DTNB: variants seen among roughly 807,000 people sequenced by gnomAD.
The protein encoded by DTNB is dystrobrevin beta.
Under a neutral mutation model 90.7 loss-of-function variants are expected in DTNB, and 63 were observed. That is an observed-to-expected ratio of 0.69 (90% CI 0.57 to 0.86). The LOEUF (loss-of-function observed/expected upper bound fraction) is 0.86, where lower values mean the gene tolerates loss of function less well. DTNB is among the 40% of genes least tolerant of loss of function. DTNB has a pLI of 0.00. For synonymous variants in DTNB, 277 were observed against 286.7 expected, an observed-to-expected ratio of 0.97 and a Z score of 0.34; for missense variants, 744 against 807.1, an observed-to-expected ratio of 0.92 and a Z score of 0.95.
intron 10 of DTNB, among the ~76,000 whole-genome samples, chr2:25,474,368 T>A (rs920230328): frequency 5.3e-5 from 8 of 152,118 alleles, no homozygotes; most frequent in African/African-American, 1.9e-4. Flanking sequence ...ACTTCATACA[T>A]GCTAGTTGTT....
At chr2:25,454,632 C>T (rs1196669064) in intron 11 of DTNB, among the ~76,000 whole-genome samples, 1 of 152,102 alleles carries the variant, frequency 6.6e-6, no homozygotes, top group Non-Finnish European at 1.5e-5. Context: ...TTTGGACCTA[C>T]CTGAAAGTAA....
Position 25,433,976 on chromosome 2 carries a change from A to G in DTNB, c.1277T>C (p.Leu426Ser). 5.0e-6 allele frequency: 8 copies of G among 1,613,490 alleles called. No homozygotes were observed. The highest frequency in any genetic ancestry group is 6.8e-6 in the Non-Finnish European group (8 of 1,179,798). ...TTTGTTGGCATCAAAGTTAAAGCTC[A>G]AGTCAGTGGGAGGACGAGTCTAAAG... The part of the protein sequence containing the change: ...AGNVTRPPTD[L>S]SFNFDANKQQ... The change falls in exon 13 of 21, where the codon TTG (leucine) becomes TCG (serine). Residue 426 changes from leucine to serine, a missense_variant. Coordinates refer to ENST00000406818, the MANE Select transcript of DTNB (RefSeq NM_021907.5).
At chr2:25,543,160 T>C (rs1028448289) in intron 8 of DTNB, among the ~76,000 whole-genome samples, 3 of 152,200 alleles carry the variant, frequency 2.0e-5, no homozygotes, top group African/African-American at 7.2e-5. Context: ...AAAATCCTTT[T>C]TCTAAGACTA....
chr2:25,552,834 CTTTTTGATTTT>C (rs2056547464), intron 8 of DTNB, among the ~76,000 whole-genome samples: 2 of 127,684 alleles, frequency 1.6e-5, no homozygotes, highest in Non-Finnish European at 3.4e-5. Context: ...TATAATTTCT[CTTTTTGATTTT>C]TTTTTTTTTT....
At chr2:25,573,102 C>G (rs933835756) in intron 8 of DTNB, among the ~76,000 whole-genome samples, 3 of 152,180 alleles carry the variant, frequency 2.0e-5, no homozygotes, top group African/African-American at 4.8e-5. Context: ...CCCGCCACCA[C>G]ACCCAGCTAA....
Position 25,627,320 on chromosome 2 carries a change from G to T in DTNB, c.362+851C>A, listed in dbSNP as rs1008915411. 3.9e-5 allele frequency among the ~76,000 whole-genome samples: 6 copies of T among 152,204 alleles called. No homozygotes were observed. In the South Asian group the frequency reaches 1.2e-3, roughly 32 times the overall value. Reference sequence around the variant, plus strand: ...CCAGCTACTTGGAAGGCTGAGGCAGGAGAATCGCTTGAACCCGGGGGGTGG... The same window carrying T: ...CCAGCTACTTGGAAGGCTGAGGCAGTAGAATCGCTTGAACCCGGGGGGTGG... On this transcript the variant is annotated intron_variant, in intron 4 of 20. Transcript: ENST00000406818.
At chr2:25,446,055 T>C (rs893240862) in intron 12 of DTNB, among the ~76,000 whole-genome samples, 1 of 152,050 alleles carries the variant, frequency 6.6e-6, no homozygotes, top group African/African-American at 2.4e-5. Flanking sequence ...AAATACTAGC[T>C]ATTAGTATTA....
chr2:25,633,554 T>C (rs2076270723), intron 3 of DTNB, among the ~76,000 whole-genome samples: 1 of 151,964 alleles, frequency 6.6e-6, no homozygotes, highest in Admixed American at 6.6e-5. Flanking sequence ...CCCCCCAAAG[T>C]GCCAAGATTG....
intron 4 of DTNB, among the ~76,000 whole-genome samples, chr2:25,621,609 ATTT>A (rs758895953): frequency 9.4e-6 from 1 of 105,994 alleles, no homozygotes; most frequent in Middle Eastern, 4.5e-3. Flanking sequence ...TGCCTGGCTA[ATTT>A]TTTTTTTTTT....
intron 15 of DTNB, among the ~76,000 whole-genome samples, chr2:25,421,409 C>T (rs900764847): frequency 2.0e-4 from 31 of 152,180 alleles, no homozygotes; most frequent in Non-Finnish European, 3.7e-4. Flanking sequence ...AGGCACAGAG[C>T]GCTGAACACT....
intron 14 of DTNB, among the ~76,000 whole-genome samples, chr2:25,428,542 T>G (rs1334054110): frequency 6.6e-6 from 1 of 151,868 alleles, no homozygotes; most frequent in Non-Finnish European, 1.5e-5. Flanking sequence ...CAAGTGATTC[T>G]CCTGCCTCAG....
chr2:25,419,453 T>A (rs1366077449), intron 16 of DTNB, 62 bp downstream of exon 16: 4 of 1,551,994 alleles, frequency 2.6e-6, no homozygotes, highest in Non-Finnish European at 3.5e-6. Flanking sequence ...AACATTTATA[T>A]GAGGAAAGGA....
chr2:25,564,619 C>T (rs2058744500), intron 8 of DTNB, among the ~76,000 whole-genome samples: 1 of 152,004 alleles, frequency 6.6e-6, no homozygotes, highest in African/African-American at 2.4e-5. Flanking sequence ...AACTCCTGAC[C>T]TCAAGTGACC....
chr2:25,631,976 C>T (rs1337170389), intron 3 of DTNB, among the ~76,000 whole-genome samples: 2 of 152,116 alleles, frequency 1.3e-5, no homozygotes, highest in Admixed American at 6.6e-5. Context: ...GGGTGGATCA[C>T]TTGAGGTCAG....
Position 25,496,959 on chromosome 2 carries a change from T to G in DTNB, c.1002-14086A>C, listed in dbSNP as rs562293522. Reference sequence around the variant, plus strand: ...ACACAATCATCATTAGCCCAGTGCTTAAGGTGGCAAAAATATAAAGGCGAA... The same window carrying G: ...ACACAATCATCATTAGCCCAGTGCTGAAGGTGGCAAAAATATAAAGGCGAA... On this transcript the variant is annotated intron_variant, in intron 9 of 20. Transcript: ENST00000406818. Among the ~76,000 whole-genome samples the G allele has an allele frequency of 2.0e-5, 3 of 152,288 alleles. No homozygotes were observed. The East Asian group carries it at 5.8e-4, about 29-fold the overall frequency.
At chr2:25,629,343 A>G (rs190385110) in intron 3 of DTNB, among the ~76,000 whole-genome samples, 2 of 152,366 alleles carry the variant, frequency 1.3e-5, no homozygotes, top group Admixed American at 1.3e-4. Context: ...AGGAAAACAC[A>G]ACTATTCAAA....
At position 25,485,870 on chromosome 2, in the gene DTNB, T is replaced by C. The variant is rs556918828; in HGVS notation, c.1002-2997A>G. On this transcript the variant is annotated intron_variant, in intron 9 of 20. Coordinates refer to ENST00000406818, the MANE Select transcript of DTNB (RefSeq NM_021907.5). ...CAGGCGCAGTGGCTCATGCCTGTAA[T>C]CTCAGCACTTTGGGAAGCTGAGGTG... Among the ~76,000 whole-genome samples, 4 of 149,126 alleles carry C rather than the reference T, an allele frequency of 2.7e-5. No homozygotes were observed. The South Asian group carries it at 8.5e-4, about 32-fold the overall frequency.
At chr2:25,480,615 C>T (rs1019963161) in intron 10 of DTNB, among the ~76,000 whole-genome samples, 3 of 152,186 alleles carry the variant, frequency 2.0e-5, no homozygotes, top group African/African-American at 7.2e-5. Context: ...CTTCTAATAG[C>T]CTCTAGCAGC....
At chr2:25,465,536 G>A (rs2061633132) in intron 10 of DTNB, among the ~76,000 whole-genome samples, 2 of 151,870 alleles carry the variant, frequency 1.3e-5, no homozygotes, top group Non-Finnish European at 2.9e-5. Context: ...GTGTGATCTG[G>A]CCCCTTGCTG....
Sources: gnomAD v4.1 joint callset for allele counts (sites outside exome capture counted in the v4.1 genomes callset) on GRCh38, gnomAD v4.1.1 for gene constraint, MANE v1.5 for transcripts, NCBI Gene and HGNC (gene_info 2026-07-23, HGNC 2026-07-21) for gene names.